The following SPATA24 variants were observed in gnomAD, a reference collection of about 807,000 sequenced individuals.
SPATA24 encodes spermatogenesis associated 24, also known as spermatogenesis-associated protein 24.
In SPATA24, 21 loss-of-function variants were observed where a neutral mutation model predicts 28.9. That is an observed-to-expected ratio of 0.73 (90% CI 0.52 to 1.05). SPATA24 has a LOEUF of 1.05. Ranked by LOEUF, SPATA24 falls within the 50% of genes least tolerant of loss-of-function variation. SPATA24 has a pLI of 0.00. For missense variants in SPATA24, 215 were observed against 242.9 expected, an observed-to-expected ratio of 0.88 and a Z score of 0.76; for synonymous variants, 76 against 89.9, an observed-to-expected ratio of 0.85 and a Z score of 0.88.
chr5:139,396,909 CG>C lies in SPATA24; in HGVS notation c.508del (p.Arg170GlyfsTer?). On this transcript the variant is annotated frameshift_variant, in exon 6 of 6. Transcript: ENST00000450845. LOFTEE classifies it high-confidence loss of function. ...GTAGCTCTCCTGCTGCTTCTGGATCCGGAAGTCAGACATGTGATTCCTGCAA... is the reference window on the plus strand; with the variant it reads ...GTAGCTCTCCTGCTGCTTCTGGATCCGAAGTCAGACATGTGATTCCTGCAA... ...QIFRNHMSDFRIQKQQESYMA... is the reference protein window; with the variant it reads ...QIFRNHMSDFXIQKQQESYMA... 2.6e-6 allele frequency: 4 copies of C among 1,551,664 alleles called. No individual in the cohort carries two copies. Among genetic ancestry groups the C allele is most frequent in the Non-Finnish European group, 3.5e-6 (4 of 1,146,992 alleles).
downstream of SPATA24, chr5:139,394,867 G>A (rs1222769904): frequency 2.0e-6 from 3 of 1,528,582 alleles, no homozygotes; most frequent in Admixed American, 2.1e-5. Flanking sequence ...GGCGCTGACG[G>A]ACAGGCGAGG....
chr5:139,394,849 C>A (rs1458488798), downstream of SPATA24: 3 of 1,531,254 alleles, frequency 2.0e-6, no homozygotes, highest in South Asian at 3.6e-5. Flanking sequence ...CCGCTGGCGG[C>A]TATTCTGGGC....
At chr5:139,400,931 G>A (rs1758808777) in intron 4 of SPATA24, among the ~76,000 whole-genome samples, 1 of 152,054 alleles carries the variant, frequency 6.6e-6, no homozygotes, top group African/African-American at 2.4e-5. Flanking sequence ...GCTGAGGTGG[G>A]GGATCACCTG....
At chr5:139,396,758 G>A (rs893415976), downstream of SPATA24, 1 of 1,551,544 alleles carries the variant, frequency 6.4e-7, no homozygotes, top group African/African-American at 1.4e-5. Flanking sequence ...AGAAGGCAGA[G>A]GCTGGGGATT....
chr5:139,393,452 C>T, downstream of SPATA24: 1 of 1,551,656 alleles, frequency 6.4e-7, no homozygotes, highest in Non-Finnish European at 8.7e-7. Context: ...GCCAACTCCT[C>T]CTGAGTTAAC....
At chr5:139,403,177 G>C (rs1758860080) in intron 1 of SPATA24, among the ~76,000 whole-genome samples, 1 of 152,222 alleles carries the variant, frequency 6.6e-6, no homozygotes, top group South Asian at 2.1e-4. Flanking sequence ...TCAGTGCCTA[G>C]AGCTCCATAT....
chr5:139,396,380 G>A, downstream of SPATA24: 4 of 985,478 alleles, frequency 4.1e-6, no homozygotes, highest in Non-Finnish European at 3.6e-6. Flanking sequence ...CCGTTTGGGG[G>A]AGGTGTCAGC....
chr5:139,392,814 A>G, downstream of SPATA24: 1 of 1,515,074 alleles, frequency 6.6e-7, no homozygotes, highest in Non-Finnish European at 8.9e-7. This position sits in a 1 kb window ranked among gnomAD's most constrained non-coding sequence, Gnocchi z 5.8. Flanking sequence ...TCTCTCCTCC[A>G]GGGCCGCGCG....
In SPATA24 at chr5:139,402,628, C is replaced by T. The variant is rs1460555992; in HGVS notation, c.183G>A (p.Val61=). 1 of 1,551,536 alleles carries T rather than the reference C, an allele frequency of 6.4e-7. No individual in the cohort carries two copies. The highest frequency in any genetic ancestry group is 8.7e-7 in the Non-Finnish European group (1 of 1,146,926). Residue 61 remains valine (V), a splice_region_variant and synonymous_variant, in exon 2 of 6, where the codon GTG becomes GTA. Transcript: ENST00000450845. The stretch of plus-strand genomic sequence containing the variant: ...GGAGACCGCAGAGGCCATTACTTAC[C>T]ACCAGCTTCTTCTCCACTGCCTGGA... ...EEFQAVEKKL[V]EEKAAHAKTK... is the part of the protein sequence containing the mutation.
downstream of SPATA24, chr5:139,396,376 G>A: frequency 1.0e-6 from 1 of 985,442 alleles, no homozygotes; most frequent in Non-Finnish European, 1.2e-6. Context: ...GCTCCCGTTT[G>A]GGGGAGGTGT....
downstream of SPATA24, chr5:139,392,660 C>G (rs780631881): frequency 1.9e-5 from 27 of 1,395,528 alleles, 1 homozygote; most frequent in Middle Eastern, 1.9e-4. This position sits in a 1 kb window ranked among gnomAD's most constrained non-coding sequence, Gnocchi z 5.8. Flanking sequence ...CTCGGGCTGG[C>G]TTGCATCTGA....
intron 4 of SPATA24, among the ~76,000 whole-genome samples, chr5:139,399,590 A>G (rs1036467394): frequency 4.6e-5 from 7 of 152,148 alleles, no homozygotes; most frequent in African/African-American, 1.7e-4. Flanking sequence ...AATTTGTGTG[A>G]CTCTTTGAAA....
chr5:139,397,493 A>G (rs1390682049), intron 4 of SPATA24, among the ~76,000 whole-genome samples: 1 of 147,798 alleles, frequency 6.8e-6, no homozygotes, highest in African/African-American at 2.5e-5. Flanking sequence ...CCTTGGAGAA[A>G]CTCTCCCTCA....
downstream of SPATA24, chr5:139,396,454 T>C: frequency 8.8e-7 from 1 of 1,135,056 alleles, no homozygotes. Flanking sequence ...CTTCCCAAAT[T>C]CCTTGTGGTT....
chr5:139,400,035 G>A (rs371062387), intron 4 of SPATA24, among the ~76,000 whole-genome samples: 83 of 152,278 alleles, frequency 5.5e-4, no homozygotes, highest in African/African-American at 1.5e-3. Flanking sequence ...TGCCTGTTGC[G>A]CCCTGCCATG....
chr5:139,401,754 C>T lies in SPATA24; in HGVS notation c.385+1G>A. 2 of 1,551,710 alleles carry T rather than the reference C, an allele frequency of 1.3e-6. No homozygotes were observed. Among genetic ancestry groups the T allele is most frequent in the South Asian group, 2.4e-5 (2 of 84,064 alleles). On this transcript the variant is annotated splice_donor_variant, in intron 4 of 5. Coordinates refer to ENST00000450845, the MANE Select transcript of SPATA24 (RefSeq NM_194296.2). LOFTEE classifies it high-confidence loss of function. ...GTGGAGAGCACGGGCCTCCCGCCTA[C>T]CATTGCACTTGGTGATGAGCTGGTC...
At chr5:139,394,176 T>A (rs1166548182), downstream of SPATA24, 15 of 1,546,350 alleles carry the variant, frequency 9.7e-6, no homozygotes, top group South Asian at 1.7e-4. Context: ...AATTATCTCG[T>A]ACGCGAAGTG....
At position 139,401,943 on chromosome 5, in the gene SPATA24, C is replaced by T; in HGVS notation, c.286G>A (p.Glu96Lys). 1.3e-6 allele frequency: 2 copies of T among 1,551,882 alleles called. No individual in the cohort carries two copies. The highest frequency in any genetic ancestry group is 1.7e-6 in the Non-Finnish European group (2 of 1,147,028). Residue 96 changes from glutamate to lysine, a missense_variant, in exon 3 of 6, where the codon GAG becomes AAG. Physicochemically the swap from Glu to Lys is moderately conservative, Grantham distance 56. Transcript: ENST00000450845. ...TTTTCAAAGGCCAGCTTCTCTTTCT[C>T]CAGCTGCTTGGATAGCACCTCTACC... is the stretch of plus-strand genomic sequence containing the variant. Reference protein sequence around the residue: ...GEVEVLSKQLEKEKLAFEKAL... With the variant: ...GEVEVLSKQLKKEKLAFEKAL...
At chr5:139,396,504 C>T (rs1328271207), downstream of SPATA24, 46 of 1,219,820 alleles carry the variant, frequency 3.8e-5, no homozygotes, top group South Asian at 5.2e-4. Context: ...TCAGGGCTTC[C>T]GGCCCTGTAG....
Sources: allele counts gnomAD v4.1 joint callset (sites outside exome capture counted in the v4.1 genomes callset), GRCh38; gene constraint gnomAD v4.1.1; non-coding constraint Gnocchi (gnomAD v3.1); transcripts MANE v1.5; gene names NCBI Gene and HGNC (gene_info 2026-07-23, HGNC 2026-07-21).